SUFU: variants seen among roughly 807,000 people sequenced by gnomAD.
SUFU encodes the protein suppressor of fused homolog.
A neutral mutation model predicts 58.9 loss-of-function variants in SUFU; 7 were observed. That is an observed-to-expected ratio of 0.12 (90% CI 0.07 to 0.22). The LOEUF is 0.22. SUFU is among the 10% of genes least tolerant of loss of function. The pLI, the probability that SUFU is intolerant of heterozygous loss-of-function variation, is 1.00. For synonymous variants in SUFU, 232 were observed against 254.8 expected (o/e 0.91, Z 0.85); for missense variants, 451 against 641.3 (o/e 0.70, Z 3.20).
rs60544094 is a variant in SUFU, at chr10:102,516,125, C to CTTTTTT, written c.317+6835_317+6840dup. 2.6e-4 allele frequency among the ~76,000 whole-genome samples: 33 copies of CTTTTTT among 125,562 alleles called. 1 individual carries two copies. The highest frequency in any genetic ancestry group is 4.1e-4 in the African/African-American group (14 of 33,936). 82.4% of individuals were successfully genotyped at this position (125,562 alleles called of 152,430 possible). A position where few individuals can be genotyped will look rare whatever the true frequency, so the allele number is the denominator to read the frequency against. On this transcript the variant is annotated intron_variant, in intron 2 of 11. Coordinates refer to ENST00000369902, the MANE Select transcript of SUFU (RefSeq NM_016169.4). ...TCTTTTCTTTTTCTTTCTTTCTTTTCTTTTTTTTTTTTTTTTTTGAGATAG... is the reference window on the plus strand; with the variant it reads ...TCTTTTCTTTTTCTTTCTTTCTTTTCTTTTTTTTTTTTTTTTTTTTTTTTGAGATAG...
In SUFU at chr10:102,619,555, C is replaced by T. The variant is rs1443183919; in HGVS notation, c.1296+2127C>T. On this transcript the variant is annotated intron_variant, in intron 10 of 11. Transcript: ENST00000369902. This position sits in a 1 kb window ranked among gnomAD's most constrained non-coding sequence, Gnocchi z 4.2. ...GGGAAGGCTGGCGGAGGCCCCACACCCCAAGCACCCACCCTTGATCACCGA... is the reference window on the plus strand; with the variant it reads ...GGGAAGGCTGGCGGAGGCCCCACACTCCAAGCACCCACCCTTGATCACCGA... 2 of 1,030,598 alleles carry T rather than the reference C, an allele frequency of 1.9e-6. No homozygotes were observed. Among genetic ancestry groups the T allele is most frequent in the Non-Finnish European group, 2.4e-6 (2 of 842,604 alleles). 63.8% of individuals were successfully genotyped at this position (1,030,598 alleles called of 1,614,324 possible).
At chr10:102,587,513 C>T (rs148464044) in intron 3 of SUFU, among the ~76,000 whole-genome samples, 3 of 152,238 alleles carry the variant, frequency 2.0e-5, no homozygotes, top group African/African-American at 4.8e-5. Context: ...TGTTTTGAGA[C>T]GAAGTCTTGG....
intron 2 of SUFU, among the ~76,000 whole-genome samples, chr10:102,520,290 T>C (rs1439251244): frequency 1.4e-5 from 2 of 146,004 alleles, no homozygotes; most frequent in South Asian, 2.2e-4. Flanking sequence ...CGATCTCAGC[T>C]CACTGCAGCC....
rs2135882221 is a variant in SUFU at position 102,597,270 on chromosome 10, A to G, written c.887A>G (p.Gln296Arg). The G allele has an allele frequency of 6.2e-7, 1 of 1,613,626 alleles. No homozygotes were observed. The highest frequency in any genetic ancestry group is 1.1e-5 in the South Asian group (1 of 91,056). ...AGCCGGAGCATCTGCATCGGCACAC[A>G]GCCCCGGCGACTCTCTGGCAAAGGT... ...EDSRSICIGT[Q>R]PRRLSGKDTE... Residue 296 changes from glutamine to arginine, a missense_variant, in exon 7 of 12, where the codon CAG becomes CGG. Physicochemically the swap from Gln to Arg is conservative, Grantham distance 43. Transcript: ENST00000369902.
chr10:102,615,146 C>T, intron 8 of SUFU, 122 bp from the exon 9 acceptor site: 1 of 1,430,852 alleles, frequency 7.0e-7, no homozygotes, highest in Non-Finnish European at 9.7e-7. Flanking sequence ...TGGCTGTCAC[C>T]ATCATTATCA....
intron 2 of SUFU, among the ~76,000 whole-genome samples, chr10:102,535,208 C>T (rs899899742): frequency 3.9e-5 from 6 of 152,126 alleles, no homozygotes; most frequent in Non-Finnish European, 8.8e-5. Context: ...ACAACAGGGC[C>T]GGGCGCGGTG....
chr10:102,611,235 C>CA (rs1171202646), intron 8 of SUFU, among the ~76,000 whole-genome samples: 2 of 152,204 alleles, frequency 1.3e-5, no homozygotes, highest in African/African-American at 4.8e-5. Flanking sequence ...AGAGCAGCCT[C>CA]AGGGATTGGA....
Position 102,630,360 on chromosome 10 carries a change from G to A in SUFU, c.*205G>A, listed in dbSNP as rs115428806. The A allele has an allele frequency of 3.2e-3, 1,922 of 608,076 alleles. 26 individuals are homozygous for A. Among genetic ancestry groups the A allele is most frequent in the African/African-American group, 0.032 (1,724 of 54,554 alleles). 37.7% of individuals were successfully genotyped at this position (608,076 alleles called of 1,614,324 possible). On this transcript the variant is annotated 3_prime_UTR_variant, in exon 12 of 12. Transcript: ENST00000369902. ...TCCAGCTCAGGGGCCGCACCCCGCC[G>A]CTGGCTAAGCCTTGTGACCCATCAG...
chr10:102,576,397 C>T lies in SUFU; in HGVS notation c.455-16185C>T, dbSNP rs149965033. Among the ~76,000 whole-genome samples, 772 of 151,794 alleles carry T rather than the reference C, an allele frequency of 5.1e-3. 9 individuals carry two copies. Among genetic ancestry groups the T allele is most frequent in the African/African-American group, 0.018 (735 of 41,382 alleles). On this transcript the variant is annotated intron_variant, in intron 3 of 11. Transcript: ENST00000369902. ...CTTCACAATTGGATTTTTCAGTTGA[C>T]GGTATGTCTTGAAGATCTTTATTTA...
chr10:102,601,002 C>T (rs192289268), intron 8 of SUFU, among the ~76,000 whole-genome samples: 1 of 152,042 alleles, frequency 6.6e-6, no homozygotes, highest in South Asian at 2.1e-4. Context: ...GACCCTGTCC[C>T]GGGTCTACAC....
At chr10:102,513,970 A>G (rs913606331) in intron 2 of SUFU, among the ~76,000 whole-genome samples, 3 of 152,052 alleles carry the variant, frequency 2.0e-5, no homozygotes. Flanking sequence ...CTGCAGCCTC[A>G]ACCACTCTGG....
chr10:102,600,281 T>A (rs1467091320), intron 8 of SUFU, among the ~76,000 whole-genome samples: 1 of 152,200 alleles, frequency 6.6e-6, no homozygotes, highest in Non-Finnish European at 1.5e-5. Context: ...GCAGGAACCT[T>A]GCCTGCCAGG....
chr10:102,538,021 T>C (rs938135445), intron 2 of SUFU, among the ~76,000 whole-genome samples: 1 of 152,184 alleles, frequency 6.6e-6, no homozygotes, highest in African/African-American at 2.4e-5. Flanking sequence ...CCACCAGCAA[T>C]GTGTAAGGGT....
chr10:102,547,555 C>G (rs1364155081), intron 2 of SUFU, among the ~76,000 whole-genome samples: 1 of 152,190 alleles, frequency 6.6e-6, no homozygotes. Context: ...GGTGCTGTGG[C>G]TCTTGCCTGT....
rs532925221 is a variant in SUFU at position 102,551,836 on chromosome 10, T to G, written c.454+1730T>G. Among the ~76,000 whole-genome samples, 437 of 143,556 alleles carry G rather than the reference T, an allele frequency of 3.0e-3. 2 individuals are homozygous for G. Among genetic ancestry groups the G allele is most frequent in the Admixed American group, 0.01 (143 of 13,798 alleles). The allele number at this position is 143,556 out of a possible 152,430, so 94.2% of individuals were successfully genotyped here. ...GCCTTCTGGGTTCAGGCCATTCTCCTGCTTGAGCCTCCCGAGTAGCTGCGA... is the reference window on the plus strand; with the variant it reads ...GCCTTCTGGGTTCAGGCCATTCTCCGGCTTGAGCCTCCCGAGTAGCTGCGA... On this transcript the variant is annotated intron_variant, in intron 3 of 11. Coordinates refer to ENST00000369902, the MANE Select transcript of SUFU (RefSeq NM_016169.4).
At chr10:102,528,312 G>A (rs951546960) in intron 2 of SUFU, among the ~76,000 whole-genome samples, 16 of 149,494 alleles carry the variant, frequency 1.1e-4, no homozygotes, top group Middle Eastern at 3.2e-3. Context: ...GCTCACACCT[G>A]TAATCCTAAC....
intron 1 of SUFU, among the ~76,000 whole-genome samples, chr10:102,505,465 T>A (rs1435756853): frequency 6.6e-6 from 1 of 152,198 alleles, no homozygotes; most frequent in Non-Finnish European, 1.5e-5. Flanking sequence ...CTGCAGCTGC[T>A]TGGGGGTGTA....
intron 3 of SUFU, among the ~76,000 whole-genome samples, chr10:102,568,963 T>C: frequency 8.2e-6 from 1 of 121,752 alleles, no homozygotes; most frequent in Non-Finnish European, 1.7e-5. Context: ...TATATATATA[T>C]CTATAGCAGT....
intron 3 of SUFU, among the ~76,000 whole-genome samples, chr10:102,580,027 G>GCCCCCCCCCCCCCC (rs1378925159): frequency 1.2e-4 from 5 of 41,954 alleles, no homozygotes; most frequent in Non-Finnish European, 1.5e-4. Flanking sequence ...CTCCTCCCCC[G>GCCCCCCCCCCCCCC]CACCCCCCCC....
Sources: gnomAD v4.1 joint callset for allele counts (sites outside exome capture counted in the v4.1 genomes callset) on GRCh38, gnomAD v4.1.1 for gene constraint, Gnocchi (gnomAD v3.1) non-coding constraint, MANE v1.5 for transcripts, NCBI Gene and HGNC (gene_info 2026-07-23, HGNC 2026-07-21) for gene names.